The following CDYL variants were observed in gnomAD, a reference collection of about 807,000 sequenced individuals.
The protein encoded by CDYL is chromodomain Y like, also known as chromodomain Y-like protein.
CDYL carries 8 observed loss-of-function variants against 47.3 expected under a neutral mutation model. That is an observed-to-expected ratio of 0.17 (90% confidence interval 0.10 to 0.31). The LOEUF (loss-of-function observed/expected upper bound fraction) is 0.31, where lower values mean the gene tolerates loss of function less well. CDYL is among the 10% of genes least tolerant of loss of function. The probability of loss-of-function intolerance (pLI) is 1.00; values close to 1 mark genes in which losing one functional copy is unlikely to be tolerated. For missense variants in CDYL, 471 were observed against 701.4 expected, an observed-to-expected ratio of 0.67 and a Z score of 3.71; for synonymous variants, 266 against 265.0, an observed-to-expected ratio of 1.00 and a Z score of -0.04.
chr6:4,799,401 ATACCAGCTAAACTACAG>A (rs1373444986), intron 1 of CDYL, among the ~76,000 whole-genome samples: 1 of 152,182 alleles, frequency 6.6e-6, no homozygotes, highest in Non-Finnish European at 1.5e-5. Context: ...CTTTTCATAA[ATACCAGCTAAACTACAG>A]TTGGTATGGT....
At chr6:4,951,354 C>T (rs1174429696) in intron 5 of CDYL, among the ~76,000 whole-genome samples, 2 of 152,012 alleles carry the variant, frequency 1.3e-5, no homozygotes, top group Admixed American at 1.3e-4. Context: ...CATGTGTGCA[C>T]CCCTTCCCGC....
intron 3 of CDYL, among the ~76,000 whole-genome samples, chr6:4,936,232 C>G (rs928740891): frequency 2.0e-5 from 3 of 152,214 alleles, no homozygotes; most frequent in Non-Finnish European, 4.4e-5. Context: ...TTCCAGTCCC[C>G]AGATACTCCT....
intron 4 of CDYL, among the ~76,000 whole-genome samples, chr6:4,942,353 T>G (rs1448025592): frequency 6.6e-6 from 1 of 152,172 alleles, no homozygotes; most frequent in Non-Finnish European, 1.5e-5. Context: ...CATCCGTCAG[T>G]GTCTCGGGGA....
At chr6:4,945,612 C>T (rs917963408) in intron 5 of CDYL, among the ~76,000 whole-genome samples, 1 of 152,234 alleles carries the variant, frequency 6.6e-6, no homozygotes, top group Non-Finnish European at 1.5e-5. Context: ...GAACAAGCAG[C>T]ACCGGCCTGC....
At chr6:4,857,449 A>C (rs549291063) in intron 1 of CDYL, among the ~76,000 whole-genome samples, 95 of 152,322 alleles carry the variant, frequency 6.2e-4, no homozygotes, top group African/African-American at 2.2e-3. Context: ...AATATGCTGA[A>C]ATTCTTGAGA....
chr6:4,776,618 C>G lies in CDYL; in HGVS notation c.-166C>G. 5.3e-6 allele frequency: 2 copies of G among 377,096 alleles called. No individual in the cohort carries two copies. The highest frequency in any genetic ancestry group is 8.1e-6 in the Non-Finnish European group (2 of 245,466). 23.4% of individuals were successfully genotyped at this position (377,096 alleles called of 1,614,324 possible). ...GCACAACCCCGCCGCGCCGCCGGCC[C>G]GCACTGGCCGCGGAGTGCAAGAGGC... On this transcript the variant is annotated 5_prime_UTR_variant, in exon 1 of 7. Transcript: ENST00000397588.
At chr6:4,767,964 T>A (rs531908590) in intron 3 of CDYL, among the ~76,000 whole-genome samples, 16 of 152,322 alleles carry the variant, frequency 1.1e-4, no homozygotes, top group African/African-American at 3.1e-4. Context: ...GCCAAACTTT[T>A]AAAAAATATA....
chr6:4,767,942 TC>T (rs34018135), intron 3 of CDYL, among the ~76,000 whole-genome samples: 9,540 of 152,272 alleles, frequency 0.063, 782 homozygotes, highest in African/African-American at 0.19. Context: ...CCAACCACTT[TC>T]TCTTCATAGA....
intron 3 of CDYL, among the ~76,000 whole-genome samples, chr6:4,737,400 C>T (rs1757722375): frequency 1.3e-5 from 2 of 151,976 alleles, no homozygotes; most frequent in Non-Finnish European, 2.9e-5. Flanking sequence ...CGCCTGTAAT[C>T]CCAGCACTTT....
At chr6:4,803,991 T>TTTTG (rs1009579442) in intron 1 of CDYL, among the ~76,000 whole-genome samples, 21 of 151,878 alleles carry the variant, frequency 1.4e-4, no homozygotes, top group Admixed American at 1.3e-4. Context: ...TTTTTTTTTT[T>TTTTG]TTGCTCTCCT....
intron 3 of CDYL, among the ~76,000 whole-genome samples, chr6:4,739,126 A>G (rs1028900714): frequency 7.2e-5 from 11 of 151,864 alleles, no homozygotes; most frequent in Admixed American, 1.3e-4. Flanking sequence ...ACGCCATTGC[A>G]CTCCAGCCTG....
intron 2 of CDYL, among the ~76,000 whole-genome samples, chr6:4,730,452 A>T (rs906928208): frequency 6.6e-6 from 1 of 152,064 alleles, no homozygotes; most frequent in Non-Finnish European, 1.5e-5. Flanking sequence ...TGAGGCGAGC[A>T]GATCACAAGG....
In CDYL at chr6:4,715,857, A is replaced by T; in HGVS notation, c.79A>T (p.Lys27Ter). 6.2e-7 allele frequency: 1 copy of T among 1,614,184 alleles called. No homozygotes were observed. Among genetic ancestry groups the T allele is most frequent in the South Asian group, 1.1e-5 (1 of 91,070 alleles). ...CTGGCAATACGAGGGCCCAACCCAAAAGTTATTCCTGAAGAGAAACAACGG... is the reference window on the plus strand; with the variant it reads ...CTGGCAATACGAGGGCCCAACCCAATAGTTATTCCTGAAGAGAAACAACGG... Residue 27 changes from lysine (K) to a stop codon, truncating the protein, a stop_gained, in exon 2 of 9, where the codon AAG becomes TAG. Coordinates refer to the CDYL transcript ENST00000328908. LOFTEE classifies it high-confidence loss of function.
upstream of CDYL, among the ~76,000 whole-genome samples, chr6:4,776,091 G>A (rs1758431793): frequency 6.6e-6 from 1 of 150,484 alleles, no homozygotes; most frequent in East Asian, 2.0e-4. Context: ...GCGGGCTGGG[G>A]GGCGGTGCCG....
At chr6:4,821,447 C>G (rs1399166911) in intron 1 of CDYL, among the ~76,000 whole-genome samples, 2 of 151,758 alleles carry the variant, frequency 1.3e-5, no homozygotes, top group East Asian at 3.9e-4. Context: ...AAAAGCATTC[C>G]TTGTGGCCCG....
chr6:4,838,072 C>G (rs1581202325), intron 1 of CDYL, among the ~76,000 whole-genome samples: 1 of 152,118 alleles, frequency 6.6e-6, no homozygotes, highest in Admixed American at 6.6e-5. Flanking sequence ...GCTATCACAC[C>G]AGGCTGTAAA....
intron 2 of CDYL, among the ~76,000 whole-genome samples, chr6:4,917,386 G>T (rs1312696019): frequency 6.6e-6 from 1 of 152,184 alleles, no homozygotes; most frequent in Non-Finnish European, 1.5e-5. Context: ...CTGTTTCTGT[G>T]TGGTGGTTCT....
chr6:4,945,452 T>A (rs1408304866), intron 5 of CDYL, among the ~76,000 whole-genome samples: 1 of 152,050 alleles, frequency 6.6e-6, no homozygotes, highest in African/African-American at 2.4e-5. Flanking sequence ...CCCAGGGTAG[T>A]TCCCCTCACC....
At chr6:4,707,837 T>C (rs1469922253) in intron 1 of CDYL, among the ~76,000 whole-genome samples, 1 of 152,244 alleles carries the variant, frequency 6.6e-6, no homozygotes, top group African/African-American at 2.4e-5. Context: ...TATTTAAGAC[T>C]ATAAATTTGC....
Sources: gnomAD v4.1 joint callset for allele counts (sites outside exome capture counted in the v4.1 genomes callset) on GRCh38, gnomAD v4.1.1 for gene constraint, MANE v1.5 for transcripts, NCBI Gene and HGNC (gene_info 2026-07-23, HGNC 2026-07-21) for gene names.